The following TEX14 variants were observed in gnomAD, a reference collection of about 807,000 sequenced individuals.
TEX14 encodes testis expressed 14, intercellular bridge forming factor.
TEX14 carries 168 observed loss-of-function variants against 178.6 expected under a neutral mutation model. The observed-to-expected ratio is 0.94, with a 90% CI of 0.83 to 1.07. TEX14 has a LOEUF of 1.07. Ranked by LOEUF, TEX14 falls within the 50% of genes least tolerant of loss-of-function variation. TEX14 has a pLI of 0.00. For missense variants in TEX14, 1,730 were observed against 1,753.6 expected (o/e 0.99, Z 0.24); for synonymous variants, 626 against 634.1 (o/e 0.99, Z 0.19).
chr17:58,663,057 C>T lies in TEX14; in HGVS notation c.-1-11055G>A, dbSNP rs558820151. Among the ~76,000 whole-genome samples, 131 of 149,876 alleles carry T rather than the reference C, an allele frequency of 8.7e-4. 1 individual carries two copies. The highest frequency in any genetic ancestry group is 1.6e-3 in the Non-Finnish European group (110 of 67,696). The stretch of plus-strand genomic sequence containing the variant: ...CCGGGAGGCAGAGGTTGCAGTGAGC[C>T]GAGATGGCACCACTGCACTCCAGCC... On this transcript the variant is annotated intron_variant, in intron 1 of 31. Transcript: ENST00000349033.
chr17:58,590,534 TTTGTTG>T (rs76273680), intron 15 of TEX14, among the ~76,000 whole-genome samples: 30,162 of 149,352 alleles, frequency 0.2, 3,065 homozygotes, highest in Non-Finnish European at 0.21. Context: ...TCCAACTATT[TTTGTTG>T]TTGTTGTTGT....
intron 1 of TEX14, chr17:58,661,125 C>A (rs199715133): frequency 4.5e-6 from 4 of 891,872 alleles, no homozygotes; most frequent in Non-Finnish European, 7.7e-6. Flanking sequence ...TCTATTTTAG[C>A]CTGTCTTTGA....
At chr17:58,673,787 G>T (rs2047343225) in intron 1 of TEX14, among the ~76,000 whole-genome samples, 1 of 151,708 alleles carries the variant, frequency 6.6e-6, no homozygotes. Flanking sequence ...TGCCCAGCTT[G>T]GTCTCAAACT....
intron 1 of TEX14, among the ~76,000 whole-genome samples, chr17:58,680,389 C>A (rs2047480622): frequency 6.6e-6 from 1 of 152,182 alleles, no homozygotes; most frequent in African/African-American, 2.4e-5. Flanking sequence ...GTCTTTCAAA[C>A]ATGCAGCAAA....
intron 2 of TEX14, among the ~76,000 whole-genome samples, chr17:58,640,770 G>A (rs1196002583): frequency 6.6e-6 from 1 of 152,064 alleles, no homozygotes; most frequent in Non-Finnish European, 1.5e-5. Context: ...CACCCAGGCT[G>A]TACAAGTGGT....
chr17:58,617,499 T>C, intron 6 of TEX14, 39 bp downstream of exon 6: 3 of 1,470,820 alleles, frequency 2.0e-6, no homozygotes, highest in Non-Finnish European at 2.9e-6. Context: ...ATTCTCCAGT[T>C]AGTCCTGCAA....
rs1035361434 is a variant in TEX14, at chr17:58,586,802, C to T, written c.2789-720G>A. 1.1e-4 allele frequency among the ~76,000 whole-genome samples: 16 copies of T among 151,778 alleles called. No homozygotes were observed. In the South Asian group the frequency reaches 1.2e-3, roughly 12 times the overall value. On this transcript the variant is annotated intron_variant, in intron 17 of 31. Transcript: ENST00000349033. The stretch of plus-strand genomic sequence containing the variant: ...CTGTGTGGCACTTGCATGTTCTCCC[C>T]GCATCTGCATGGGTTTTTTCCAGGT...
At chr17:58,643,957 A>T (rs1055863432) in intron 2 of TEX14, among the ~76,000 whole-genome samples, 8 of 147,172 alleles carry the variant, frequency 5.4e-5, no homozygotes, top group African/African-American at 2.0e-4. Flanking sequence ...CCCCCCCCAA[A>T]TACCTCATAG....
chr17:58,691,105 C>T (rs2030239727), intron 1 of TEX14, among the ~76,000 whole-genome samples: 1 of 151,906 alleles, frequency 6.6e-6, no homozygotes, highest in Admixed American at 6.6e-5. Context: ...ATCCACCTGC[C>T]TCGACCTCCC....
intron 17 of TEX14, among the ~76,000 whole-genome samples, chr17:58,587,377 T>TA (rs34069174): frequency 0.036 from 5,372 of 151,082 alleles, 151 homozygotes; most frequent in East Asian, 0.078. Flanking sequence ...GTCTAGAAAT[T>TA]AAAAAAAAAG....
intron 7 of TEX14, among the ~76,000 whole-genome samples, chr17:58,615,661 A>G (rs983918917): frequency 3.3e-5 from 5 of 152,172 alleles, no homozygotes; most frequent in Admixed American, 6.5e-5. Context: ...ATGGGAAGCC[A>G]GTTAGGAGAC....
At chr17:58,563,621 T>TTATATATA (rs3034889) in intron 28 of TEX14, among the ~76,000 whole-genome samples, 201 of 46,278 alleles carry the variant, frequency 4.3e-3, no homozygotes, top group Non-Finnish European at 5.0e-3. Context: ...CATCTCTAAT[T>TTATATATA]TATATATATA....
intron 13 of TEX14, among the ~76,000 whole-genome samples, chr17:58,601,014 G>A (rs904468176): frequency 3.9e-5 from 6 of 151,968 alleles, no homozygotes; most frequent in East Asian, 1.9e-4. Flanking sequence ...TTTGGGAGGC[G>A]AAAGTGGGAG....
intron 31 of TEX14, among the ~76,000 whole-genome samples, chr17:58,557,555 G>A (rs1441794792): frequency 6.6e-6 from 1 of 152,150 alleles, no homozygotes; most frequent in Non-Finnish European, 1.5e-5. Flanking sequence ...ACAAGTATGA[G>A]CCACCGTGCC....
intron 2 of TEX14, among the ~76,000 whole-genome samples, chr17:58,644,677 C>T (rs1171286041): frequency 5.8e-5 from 6 of 103,224 alleles, no homozygotes; most frequent in Admixed American, 3.9e-4. Context: ...GACGGAGTTT[C>T]GCTCTTTTGC....
chr17:58,620,302 A>G (rs951610248), intron 5 of TEX14, among the ~76,000 whole-genome samples: 2 of 152,060 alleles, frequency 1.3e-5, no homozygotes, highest in African/African-American at 4.8e-5. Flanking sequence ...AGAGTGGTAC[A>G]ACCTGATTTC....
intron 1 of TEX14, among the ~76,000 whole-genome samples, chr17:58,676,448 T>C (rs1174177586): frequency 1.3e-5 from 2 of 151,784 alleles, no homozygotes; most frequent in Admixed American, 6.6e-5. Context: ...TAATCTCAGC[T>C]ACTCGGGAGG....
At chr17:58,579,286 T>C (rs1313133975) in intron 20 of TEX14, among the ~76,000 whole-genome samples, 1 of 152,238 alleles carries the variant, frequency 6.6e-6, no homozygotes, top group Non-Finnish European at 1.5e-5. Context: ...AATTTTGTTA[T>C]GTTAATAACT....
intron 3 of TEX14, among the ~76,000 whole-genome samples, chr17:58,624,166 TC>T (rs1203710012): frequency 6.6e-6 from 1 of 151,556 alleles, no homozygotes; most frequent in Non-Finnish European, 1.5e-5. Context: ...ATACCTGTAG[TC>T]CCAGCTACTC....
Sources: gnomAD v4.1 joint callset for allele counts (sites outside exome capture counted in the v4.1 genomes callset) on GRCh38, gnomAD v4.1.1 for gene constraint, MANE v1.5 for transcripts, NCBI Gene and HGNC (gene_info 2026-07-23, HGNC 2026-07-21) for gene names.